CALM2: variants seen among roughly 807,000 people sequenced by gnomAD.
CALM2 encodes the protein calmodulin-2.
In CALM2, 2 loss-of-function variants were observed where a neutral mutation model predicts 19.8. That is an observed-to-expected ratio of 0.10 (90% CI 0.04 to 0.32). The LOEUF is 0.32. Ranked by LOEUF, CALM2 falls within the 10% of genes least tolerant of loss-of-function variation. The pLI is 1.00. For synonymous variants in CALM2, 51 were observed against 52.1 expected (o/e 0.98, Z 0.09); for missense variants, 38 against 178.7 (o/e 0.21, Z 4.49).
intron 5 of CALM2, 46 bp from the exon 6 acceptor site, chr2:47,160,850 C>CAAAAAAAAAAA (rs55773607): frequency 1.3e-5 from 5 of 372,016 alleles, no homozygotes; most frequent in Admixed American, 5.8e-5. Flanking sequence ...AGCAAAAGAC[C>CAAAAAAAAAAA]AAAAAAAAAA....
At chr2:47,167,080 G>A (rs760787081) in intron 2 of CALM2, among the ~76,000 whole-genome samples, 2 of 152,068 alleles carry the variant, frequency 1.3e-5, no homozygotes, top group Admixed American at 6.6e-5. Context: ...TCAAATGACT[G>A]TTTATTAACT....
intron 1 of CALM2, 90 bp from the exon 2 acceptor site, chr2:47,170,854 C>A: frequency 1.0e-6 from 1 of 999,048 alleles, no homozygotes; most frequent in South Asian, 1.3e-5. Context: ...CAAGGGTTAC[C>A]ATGTACTGTT....
intron 2 of CALM2, among the ~76,000 whole-genome samples, chr2:47,169,789 TG>T (rs1223452792): frequency 9.9e-5 from 15 of 152,136 alleles, no homozygotes; most frequent in Admixed American, 9.8e-4. Flanking sequence ...TAGTTCCAAC[TG>T]GGCTTCTCAG....
rs79550517 is a variant in CALM2, at chr2:47,160,230, T to C, written c.*546A>G. 2 of 152,684 alleles carry C rather than the reference T, an allele frequency of 1.3e-5. No individual in the cohort carries two copies. Among genetic ancestry groups the C allele is most frequent in the East Asian group, 3.8e-4 (2 of 5,202 alleles). The allele number at this position is 152,684 out of a possible 1,614,324, so 9.5% of individuals were successfully genotyped here. ...ACTTGGAATGGATTTTGAGGCAAATTGTGCCATAAGCAGATTTTAAGTGGC... is the reference window on the plus strand; with the variant it reads ...ACTTGGAATGGATTTTGAGGCAAATCGTGCCATAAGCAGATTTTAAGTGGC... On this transcript the variant is annotated 3_prime_UTR_variant, in exon 6 of 6. Transcript: ENST00000272298.
intron 5 of CALM2, 109 bp from the exon 6 acceptor site, chr2:47,160,913 C>T: frequency 1.6e-6 from 1 of 623,282 alleles, no homozygotes; most frequent in Admixed American, 3.3e-5. Flanking sequence ...TTCCATTCCT[C>T]TCTTTCCTCA....
intron 2 of CALM2, among the ~76,000 whole-genome samples, chr2:47,168,286 GA>G (rs1406043336): frequency 1.3e-5 from 2 of 152,088 alleles, no homozygotes; most frequent in African/African-American, 4.8e-5. Context: ...GAAAAGGCAG[GA>G]TAAGAAGAGA....
intron 1 of CALM2, 165 bp from the exon 2 acceptor site, chr2:47,170,929 C>G (rs1042875650): frequency 1.6e-6 from 1 of 636,780 alleles, no homozygotes; most frequent in African/African-American, 1.8e-5. Flanking sequence ...CTCTTATCTT[C>G]AAAGCTAAGC....
intron 2 of CALM2, 68 bp downstream of exon 2, chr2:47,170,666 A>T: frequency 1.7e-6 from 2 of 1,165,228 alleles, no homozygotes; most frequent in Non-Finnish European, 2.6e-6. Context: ...CAAGTCTCTT[A>T]TTCTGACGTT....
At chr2:47,176,805 C>G (rs550546472), upstream of CALM2, 26 of 985,154 alleles carry the variant, frequency 2.6e-5, no homozygotes, top group African/African-American at 7.0e-5. Context: ...GGCGATGCGT[C>G]CCCCGTTGGT....
rs200169692 is a variant in CALM2, at chr2:47,176,473, G to A, written c.-30C>T. 1.9e-4 allele frequency: 304 copies of A among 1,613,434 alleles called. No homozygotes were observed. Among genetic ancestry groups the A allele is most frequent in the Non-Finnish European group, 1.3e-4 (158 of 1,179,904 alleles). ...CAAGCGCTACCGGTTTCCGAGACGCGACCACACAACCACTCAGCTCGCTCT... is the reference window on the plus strand; with the variant it reads ...CAAGCGCTACCGGTTTCCGAGACGCAACCACACAACCACTCAGCTCGCTCT... On this transcript the variant is annotated 5_prime_UTR_variant, in exon 1 of 6. Transcript: ENST00000272298.
intron 1 of CALM2, among the ~76,000 whole-genome samples, chr2:47,174,849 G>C (rs1245324400): frequency 6.6e-6 from 1 of 152,018 alleles, no homozygotes; most frequent in African/African-American, 2.4e-5. Context: ...TTCAAATTCA[G>C]AATAACATTT....
intron 2 of CALM2, chr2:47,163,722 T>C (rs928068099): frequency 1.3e-5 from 2 of 152,152 alleles, no homozygotes; most frequent in Non-Finnish European, 2.9e-5. Flanking sequence ...CATGAGCCAC[T>C]GTGCCCGGCT....
intron 1 of CALM2, chr2:47,171,009 T>C (rs772669279): frequency 9.0e-6 from 4 of 444,838 alleles, no homozygotes; most frequent in Non-Finnish European, 1.6e-5. Context: ...TAGAATCCAA[T>C]AGAAACATTG....
intron 2 of CALM2, among the ~76,000 whole-genome samples, chr2:47,166,278 A>G (rs1364639325): frequency 6.6e-6 from 1 of 152,228 alleles, no homozygotes; most frequent in East Asian, 1.9e-4. Context: ...CAAGAAAATT[A>G]AAGGACTTTG....
intron 1 of CALM2, among the ~76,000 whole-genome samples, chr2:47,175,109 C>T (rs913650819): frequency 3.5e-5 from 2 of 56,500 alleles, no homozygotes; most frequent in African/African-American, 8.5e-5. Flanking sequence ...CAGGAAAGAA[C>T]ATGATCTCCC....
intron 1 of CALM2, chr2:47,171,019 G>A: frequency 4.8e-6 from 2 of 420,776 alleles, no homozygotes; most frequent in Non-Finnish European, 8.6e-6. Context: ...TAGAAACATT[G>A]CTTCCTTTTT....
intron 4 of CALM2, 119 bp from the exon 5 acceptor site, chr2:47,161,977 T>A: frequency 1.2e-6 from 1 of 807,678 alleles, no homozygotes. Flanking sequence ...TAGAAATGCA[T>A]ACAAATCTAC....
chr2:47,171,664 T>C (rs1666672354), intron 1 of CALM2: 1 of 152,186 alleles, frequency 6.6e-6, no homozygotes, highest in Non-Finnish European at 1.5e-5. Context: ...CACTGCTTAT[T>C]AGTATATACA....
intron 1 of CALM2, chr2:47,172,932 T>C (rs114234787): frequency 0.024 from 3,645 of 151,930 alleles, 131 homozygotes; most frequent in African/African-American, 0.084. Context: ...GCTTGGAAAG[T>C]CAAAATTTAG....
Sources: gnomAD v4.1 joint callset for allele counts (sites outside exome capture counted in the v4.1 genomes callset) on GRCh38, gnomAD v4.1.1 for gene constraint, MANE v1.5 for transcripts, NCBI Gene and HGNC (gene_info 2026-07-23, HGNC 2026-07-21) for gene names.